The following TM2D1 variants were observed in gnomAD, a reference collection of about 807,000 sequenced individuals.
TM2D1 encodes TM2 domain-containing protein 1.
TM2D1 carries 15 observed loss-of-function variants against 28.4 expected under a neutral mutation model. The observed-to-expected ratio is 0.53, with a 90% CI of 0.35 to 0.81. TM2D1 has a LOEUF of 0.81. Among genes scored for constraint, TM2D1 ranks in the 40% least tolerant of loss-of-function variants. TM2D1 has a pLI of 0.01. For missense variants in TM2D1, 236 were observed against 254.9 expected (o/e 0.93, Z 0.50); for synonymous variants, 93 against 96.2 (o/e 0.97, Z 0.20).
chr1:61,723,466 T>C (rs1014575877), intron 2 of TM2D1, among the ~76,000 whole-genome samples: 1 of 152,218 alleles, frequency 6.6e-6, no homozygotes, highest in Non-Finnish European at 1.5e-5. Context: ...TCTGGGAACA[T>C]CCACGTCCAG....
At chr1:61,690,253 T>TC (rs1644313771) in intron 5 of TM2D1, among the ~76,000 whole-genome samples, 1 of 151,926 alleles carries the variant, frequency 6.6e-6, no homozygotes, top group South Asian at 2.1e-4. Flanking sequence ...GGTCAGGAGT[T>TC]CAAGACCAGC....
At chr1:61,702,909 C>T (rs571357700) in intron 3 of TM2D1, among the ~76,000 whole-genome samples, 1 of 151,400 alleles carries the variant, frequency 6.6e-6, no homozygotes, top group South Asian at 2.1e-4. Context: ...AGTTTGAGAC[C>T]AGCCTGGCCA....
At chr1:61,719,985 T>C (rs1388355471) in intron 2 of TM2D1, among the ~76,000 whole-genome samples, 3 of 152,220 alleles carry the variant, frequency 2.0e-5, no homozygotes, top group African/African-American at 7.2e-5. Flanking sequence ...GCTTCTGCCA[T>C]GTTGATAATG....
At chr1:61,689,283 G>A (rs930185206) in intron 5 of TM2D1, among the ~76,000 whole-genome samples, 12 of 152,034 alleles carry the variant, frequency 7.9e-5, no homozygotes, top group African/African-American at 7.2e-5. Flanking sequence ...AAAAATGTTC[G>A]TAAAATGCAA....
intron 5 of TM2D1, among the ~76,000 whole-genome samples, chr1:61,691,932 A>AAAAAAAAAAAAATATATATAT: frequency 2.6e-5 from 2 of 76,404 alleles, no homozygotes; most frequent in East Asian, 4.7e-4. Context: ...AAAAAAAAAA[A>AAAAAAAAAAAAATATATATAT]ATATATATAT....
intron 3 of TM2D1, among the ~76,000 whole-genome samples, chr1:61,701,736 C>T (rs1028602427): frequency 4.6e-5 from 7 of 151,968 alleles, no homozygotes; most frequent in Non-Finnish European, 8.8e-5. Context: ...AATAGGGCAC[C>T]AAACTAGAAG....
intron 2 of TM2D1, among the ~76,000 whole-genome samples, chr1:61,722,382 C>T (rs182368595): frequency 6.6e-6 from 1 of 152,182 alleles, no homozygotes; most frequent in East Asian, 1.9e-4. Flanking sequence ...ACTTTTTCCG[C>T]CCCAGAGACA....
chr1:61,700,930 G>T lies in TM2D1; in HGVS notation c.439+4C>A. The T allele has an allele frequency of 7.5e-6, 12 of 1,592,896 alleles. No homozygotes were observed. Among genetic ancestry groups the T allele is most frequent in the Non-Finnish European group, 9.4e-6 (11 of 1,169,688 alleles). On this transcript the variant is annotated splice_donor_region_variant and intron_variant, in intron 4 of 6. Coordinates refer to ENST00000606498, the MANE Select transcript of TM2D1 (RefSeq NM_032027.3). Reference sequence around the variant, plus strand: ...AGGATTTTTTTTTAATGAAACATACGCACCCAAAGCAGGGTATCCAAGGTA... The same window carrying T: ...AGGATTTTTTTTTAATGAAACATACTCACCCAAAGCAGGGTATCCAAGGTA...
chr1:61,705,356 T>G (rs1208198548), intron 3 of TM2D1, among the ~76,000 whole-genome samples: 1 of 152,044 alleles, frequency 6.6e-6, no homozygotes, highest in African/African-American at 2.4e-5. Context: ...CAGCTAATTT[T>G]TATATTTTTA....
chr1:61,710,503 TACACACACACAC>T (rs4020071), intron 2 of TM2D1, among the ~76,000 whole-genome samples: 161 of 126,682 alleles, frequency 1.3e-3, no homozygotes, highest in African/African-American at 3.2e-3. Context: ...TATACACACA[TACACACACACAC>T]ACACACACAC....
chr1:61,681,153 C>G lies in TM2D1; in HGVS notation c.*217G>C, dbSNP rs1644240930. ...AGTAATAAGCTATCTCTCATAGAGA[C>G]AGAAGCCCGAGAAACACTATTATAC... On this transcript the variant is annotated 3_prime_UTR_variant, in exon 7 of 7. Coordinates refer to ENST00000606498, the MANE Select transcript of TM2D1 (RefSeq NM_032027.3). The G allele has an allele frequency of 6.5e-6, 1 of 153,552 alleles. No homozygotes were observed. The highest frequency in any genetic ancestry group is 2.4e-5 in the African/African-American group (1 of 41,440). 9.5% of individuals were successfully genotyped at this position (153,552 alleles called of 1,614,324 possible).
In TM2D1 at chr1:61,700,864, C is replaced by A. The variant is rs551301121; in HGVS notation, c.439+70G>T. 4 of 1,083,482 alleles carry A rather than the reference C, an allele frequency of 3.7e-6. No individual in the cohort carries two copies. The Admixed American group carries it at 9.2e-5, about 25-fold the overall frequency. 67.1% of individuals were successfully genotyped at this position (1,083,482 alleles called of 1,614,324 possible). A position where few individuals can be genotyped will look rare whatever the true frequency, so the allele number is the denominator to read the frequency against. On this transcript the variant is annotated intron_variant, in intron 4 of 6. Coordinates refer to ENST00000606498, the MANE Select transcript of TM2D1 (RefSeq NM_032027.3). Reference sequence around the variant, plus strand: ...TATAATAAATACACAGAGATTTAATCCATAAGAACACCTACAATGAACTAA... The same window carrying A: ...TATAATAAATACACAGAGATTTAATACATAAGAACACCTACAATGAACTAA...
intron 3 of TM2D1, among the ~76,000 whole-genome samples, chr1:61,705,477 C>T (rs914952305): frequency 3.9e-5 from 6 of 152,160 alleles, no homozygotes; most frequent in Admixed American, 6.6e-5. Context: ...TGAGCCACCA[C>T]ACCTGGCTCA....
chr1:61,722,004 A>G (rs1430554992), intron 2 of TM2D1, among the ~76,000 whole-genome samples: 1 of 149,854 alleles, frequency 6.7e-6, no homozygotes, highest in Non-Finnish European at 1.5e-5. Context: ...CTGGTGGTTC[A>G]TGCCTGTAAA....
rs4020071 is a variant in TM2D1 at position 61,710,503 on chromosome 1, T to TACAC, written c.239-1070_239-1067dup. 2.3e-4 allele frequency among the ~76,000 whole-genome samples: 29 copies of TACAC among 126,682 alleles called. 1 individual carries two copies. Among genetic ancestry groups the TACAC allele is most frequent in the South Asian group, 2.7e-4 (1 of 3,726 alleles). The allele number at this position is 126,682 out of a possible 152,430, so 83.1% of individuals were successfully genotyped here. A position where few individuals can be genotyped will look rare whatever the true frequency, so the allele number is the denominator to read the frequency against. ...ACACACACACACACATATACACACA[T>TACAC]ACACACACACACACACACACACACA... On this transcript the variant is annotated intron_variant, in intron 2 of 6. Coordinates refer to ENST00000606498, the MANE Select transcript of TM2D1 (RefSeq NM_032027.3).
chr1:61,688,701 C>A (rs1644302080), intron 5 of TM2D1, among the ~76,000 whole-genome samples: 1 of 150,016 alleles, frequency 6.7e-6, no homozygotes, highest in South Asian at 2.1e-4. Flanking sequence ...CCAGCCTGGG[C>A]AATGGAGCGA....
chr1:61,688,963 G>A (rs1159480547), intron 5 of TM2D1, among the ~76,000 whole-genome samples: 2 of 151,802 alleles, frequency 1.3e-5, no homozygotes, highest in Admixed American at 1.3e-4. Flanking sequence ...CTTGAACCCG[G>A]GAGGTGGAGG....
chr1:61,706,881 T>G (rs1423138188), intron 3 of TM2D1, among the ~76,000 whole-genome samples: 2 of 109,304 alleles, frequency 1.8e-5, no homozygotes, highest in Non-Finnish European at 4.5e-5. Flanking sequence ...AACTTTATTG[T>G]AAGAAGGGAA....
chr1:61,699,396 C>T (rs1172472310), intron 4 of TM2D1: 1 of 152,022 alleles, frequency 6.6e-6, no homozygotes, highest in African/African-American at 2.4e-5. Flanking sequence ...CTTCTGATAC[C>T]TAAAAGGATA....
Sources: allele counts gnomAD v4.1 joint callset (sites outside exome capture counted in the v4.1 genomes callset), GRCh38; gene constraint gnomAD v4.1.1; transcripts MANE v1.5; gene names NCBI Gene and HGNC (gene_info 2026-07-23, HGNC 2026-07-21).